TRIM33: variants seen among roughly 807,000 people sequenced by gnomAD.
The protein encoded by TRIM33 is tripartite motif containing 33.
TRIM33 carries 20 observed loss-of-function variants against 125.4 expected under a neutral mutation model. That is an observed-to-expected ratio of 0.16 (90% CI 0.11 to 0.23). The LOEUF (loss-of-function observed/expected upper bound fraction) is 0.23. Among genes scored for constraint, TRIM33 ranks in the 10% least tolerant of loss-of-function variants. TRIM33 has a pLI of 1.00. For synonymous variants in TRIM33, 564 were observed against 513.9 expected, an observed-to-expected ratio of 1.10 and a Z score of -1.32; for missense variants, 920 against 1,411.4, an observed-to-expected ratio of 0.65 and a Z score of 5.58.
In TRIM33 at chr1:114,410,512, C is replaced by T. The variant is rs1015931793; in HGVS notation, c.2062-196G>A. Among the ~76,000 whole-genome samples the T allele has an allele frequency of 5.9e-5, 9 of 152,236 alleles. 1 individual carries two copies. Among genetic ancestry groups the T allele is most frequent in the Admixed American group, 3.9e-4 (6 of 15,290 alleles). ...TTTATTTAGATAAAACTGTATTATT[C>T]AGCAAACAACTAGGTGCTCAGAGCA... On this transcript the variant is annotated intron_variant, in intron 11 of 19. Coordinates refer to ENST00000358465, the MANE Select transcript of TRIM33 (RefSeq NM_015906.4).
At chr1:114,403,509 T>G (rs1254218997) in intron 15 of TRIM33, among the ~76,000 whole-genome samples, 1 of 152,078 alleles carries the variant, frequency 6.6e-6, no homozygotes, top group African/African-American at 2.4e-5. Context: ...GAGCTGGGAT[T>G]ACAGGCGTGC....
At position 114,511,029 on chromosome 1, in the gene TRIM33, G is replaced by C; in HGVS notation, c.48C>G (p.Gly16=). The change falls in exon 1 of 20, where the codon GGC becomes GGG. Residue 16 remains glycine, a synonymous_variant. Coordinates refer to ENST00000358465, the MANE Select transcript of TRIM33 (RefSeq NM_015906.4). The part of the protein sequence containing the change: ...GGGEAESGGG[G]SGSAPVTAGA... ...CGGCAGTTACCGGCGCGCTGCCGCTGCCCCCGCCGCCGCTCTCAGCCTCGC... is the reference window on the plus strand; with the variant it reads ...CGGCAGTTACCGGCGCGCTGCCGCTCCCCCCGCCGCCGCTCTCAGCCTCGC... 1 of 1,317,246 alleles carries C rather than the reference G, an allele frequency of 7.6e-7. No homozygotes were observed. Among genetic ancestry groups the C allele is most frequent in the Non-Finnish European group, 9.7e-7 (1 of 1,032,196 alleles). The allele number at this position is 1,317,246 out of a possible 1,614,324, so 81.6% of individuals were successfully genotyped here.
chr1:114,453,366 A>T (rs889990887), intron 4 of TRIM33, among the ~76,000 whole-genome samples: 1 of 145,262 alleles, frequency 6.9e-6, no homozygotes, highest in Non-Finnish European at 1.5e-5. Flanking sequence ...TGTCTCAGGA[A>T]AAAAAAAAAA....
chr1:114,464,442 T>C, intron 1 of TRIM33, 54 bp from the exon 2 acceptor site: 1 of 1,020,756 alleles, frequency 9.8e-7, no homozygotes. Flanking sequence ...AAAGAAATTG[T>C]GCATGATGTC....
At chr1:114,464,410 T>C in intron 1 of TRIM33, 22 bp from the exon 2 acceptor site, 1 of 1,336,892 alleles carries the variant, frequency 7.5e-7, no homozygotes, top group Non-Finnish European at 1.0e-6. Flanking sequence ...AATAACAACA[T>C]TTTAAAATAT....
chr1:114,456,825 T>C (rs902347115), intron 4 of TRIM33, among the ~76,000 whole-genome samples: 1 of 152,040 alleles, frequency 6.6e-6, no homozygotes, highest in African/African-American at 2.4e-5. Context: ...TTAAACGCAA[T>C]GGTGATAAAA....
In TRIM33 at chr1:114,410,211, G is replaced by C; in HGVS notation, c.2167C>G (p.Pro723Ala). 6.2e-7 allele frequency: 1 copy of C among 1,614,052 alleles called. No individual in the cohort carries two copies. Among genetic ancestry groups the C allele is most frequent in the South Asian group, 1.1e-5 (1 of 91,078 alleles). ...GATGATCCCGGAGAAAGGGCAGAGGGACCTGGAGAAGGATTCATGGTGCTT... is the reference window on the plus strand; with the variant it reads ...GATGATCCCGGAGAAAGGGCAGAGGCACCTGGAGAAGGATTCATGGTGCTT... Reference protein sequence around the residue: ...PTSTMNPSPGPSALSPGSSGL... With the variant: ...PTSTMNPSPGASALSPGSSGL... The change falls in exon 12 of 20, where the codon CCC (proline) becomes GCC (alanine). Residue 723 changes from proline to alanine, a missense_variant. Pro to Ala is a conservative substitution (Grantham distance 27). This residue lies in a region of TRIM33 where 407 missense variants were observed against 589.7 expected (regional missense o/e 0.69). Coordinates refer to ENST00000358465, the MANE Select transcript of TRIM33 (RefSeq NM_015906.4).
intron 1 of TRIM33, among the ~76,000 whole-genome samples, chr1:114,489,940 A>C (rs1237665888): frequency 1.3e-5 from 2 of 151,830 alleles, no homozygotes; most frequent in Non-Finnish European, 2.9e-5. Flanking sequence ...AGATAGCGCT[A>C]AATCAGATAT....
At chr1:114,469,915 T>C (rs1287248835) in intron 1 of TRIM33, among the ~76,000 whole-genome samples, 2 of 152,218 alleles carry the variant, frequency 1.3e-5, no homozygotes, top group African/African-American at 4.8e-5. Flanking sequence ...ATAATAAAAA[T>C]GGCTTAAATC....
chr1:114,492,407 T>C (rs1212886031), intron 1 of TRIM33, among the ~76,000 whole-genome samples: 3 of 152,226 alleles, frequency 2.0e-5, no homozygotes, highest in African/African-American at 7.2e-5. Flanking sequence ...TGTATACAAG[T>C]ATACAACTAT....
chr1:114,500,098 C>T (rs1303913663), intron 1 of TRIM33, among the ~76,000 whole-genome samples: 1 of 152,112 alleles, frequency 6.6e-6, no homozygotes, highest in East Asian at 1.9e-4. Context: ...ACCTGGGAGT[C>T]GGACGTTGCA....
chr1:114,463,908 A>G (rs978273017), intron 2 of TRIM33, among the ~76,000 whole-genome samples: 3 of 151,934 alleles, frequency 2.0e-5, no homozygotes, highest in Admixed American at 6.6e-5. Flanking sequence ...AGCTGGGACT[A>G]AAGGCGCATG....
chr1:114,481,308 C>T (rs7533214), intron 1 of TRIM33, among the ~76,000 whole-genome samples: 4,019 of 152,022 alleles, frequency 0.026, 94 homozygotes, highest in Non-Finnish European at 0.034. Flanking sequence ...AAATTAAAAC[C>T]ATAGGCCAGA....
At chr1:114,399,641 T>C (rs758569243) in intron 17 of TRIM33, 32 bp from the exon 18 acceptor site, 1 of 1,526,838 alleles carries the variant, frequency 6.5e-7, no homozygotes, top group East Asian at 2.3e-5. Context: ...AAATAAGAAT[T>C]CTCCAAAAAT....
chr1:114,420,377 A>C, intron 11 of TRIM33: 1 of 1,330,472 alleles, frequency 7.5e-7, no homozygotes, highest in Non-Finnish European at 1.0e-6. Flanking sequence ...ACAAAGATCT[A>C]ACCACATTTT....
rs1453215682 is a variant in TRIM33, at chr1:114,407,053, T to G, written c.2306A>C (p.Lys769Thr). Residue 769 changes from lysine to threonine, a missense_variant, in exon 14 of 20, where the codon AAA (lysine) becomes ACA (threonine). Physicochemically the swap from Lys to Thr is moderately conservative, Grantham distance 78. Coordinates refer to ENST00000358465, the MANE Select transcript of TRIM33 (RefSeq NM_015906.4). ...TTGCTTGACCTTCACCTGATCAGAT[T>G]TGAAACTAAGACTTGTCTTCTCAGC... ...RTAEKTSLSF[K>T]SDQVKVKQEP... The G allele has an allele frequency of 6.2e-7, 1 of 1,613,944 alleles. No homozygotes were observed.
chr1:114,464,215 A>G (rs1650157047), intron 2 of TRIM33, 55 bp downstream of exon 2: 3 of 923,580 alleles, frequency 3.2e-6, no homozygotes, highest in Admixed American at 5.3e-5. Context: ...TGTTTTTCTT[A>G]TAACTTACAG....
rs1232374980 is a variant in TRIM33 at position 114,414,987 on chromosome 1, C to CTTTT, written c.2062-4672_2062-4671insAAAA. Among the ~76,000 whole-genome samples, 17 of 108,184 alleles carry CTTTT rather than the reference C, an allele frequency of 1.6e-4. 1 individual carries two copies. The highest frequency in any genetic ancestry group is 3.0e-4 in the African/African-American group (8 of 26,242). The allele number at this position is 108,184 out of a possible 152,430, so 71.0% of individuals were successfully genotyped here. A position where few individuals can be genotyped will look rare whatever the true frequency, so the allele number is the denominator to read the frequency against. On this transcript the variant is annotated intron_variant, in intron 11 of 19. Coordinates refer to ENST00000358465, the MANE Select transcript of TRIM33 (RefSeq NM_015906.4). Reference sequence around the variant, plus strand: ...TACCAACATATCCATGAGGTAGATTCTATTTTTTTTTTTTTTTTTTTTTTT... The same window carrying CTTTT: ...TACCAACATATCCATGAGGTAGATTCTTTTTATTTTTTTTTTTTTTTTTTTTTTT...
intron 12 of TRIM33, 48 bp downstream of exon 12, chr1:114,410,136 C>A: frequency 1.2e-6 from 2 of 1,607,444 alleles, no homozygotes; most frequent in East Asian, 4.5e-5. Flanking sequence ...GATACTGACA[C>A]TGTTTTTTTA....
Sources: gnomAD v4.1 joint callset for allele counts (sites outside exome capture counted in the v4.1 genomes callset) on GRCh38, gnomAD v4.1.1 for gene constraint, gnomAD v4.1.1 regional missense constraint, MANE v1.5 for transcripts, NCBI Gene and HGNC (gene_info 2026-07-23, HGNC 2026-07-21) for gene names.